The following PCP2 variants were observed in gnomAD, a reference collection of about 807,000 sequenced individuals.
The protein encoded by PCP2 is Purkinje cell protein 2 homolog.
Under a neutral mutation model 18.3 loss-of-function variants are expected in PCP2, and 21 were observed. That is an observed-to-expected ratio of 1.14 (90% confidence interval 0.81 to 1.65). PCP2 has a LOEUF of 1.65. Among genes scored for constraint, PCP2 ranks in the 40% most tolerant of loss-of-function variants. PCP2 has a pLI of 0.00. For synonymous variants in PCP2, 85 were observed against 77.6 expected, an observed-to-expected ratio of 1.10 and a Z score of -0.50; for missense variants, 202 against 201.8, an observed-to-expected ratio of 1.00 and a Z score of 0.00.
rs1220380162 is a variant in PCP2 at position 7,632,682 on chromosome 19, G to A, written c.166+34C>T. ...TGCCCTGCACTCCCACCCCGTTCAC[G>A]CCCCATGGACAGCACCCCCGTGCCC... is the stretch of plus-strand genomic sequence containing the variant. On this transcript the variant is annotated intron_variant, in intron 2 of 3. Transcript: ENST00000311069. This position sits in a 1 kb window ranked among gnomAD's most constrained non-coding sequence, Gnocchi z 5.2. The A allele has an allele frequency of 1.3e-5, 20 of 1,547,856 alleles. No homozygotes were observed. The highest frequency in any genetic ancestry group is 1.7e-4 in the Middle Eastern group (1 of 5,964).
At chr19:7,636,873 C>T (rs1165861445), upstream of PCP2, 3 of 378,076 alleles carry the variant, frequency 7.9e-6, no homozygotes, top group Non-Finnish European at 1.4e-5. Flanking sequence ...GCTTCGCACG[C>T]AAGCCAGGAA....
At position 7,632,522 on chromosome 19, in the gene PCP2, G is replaced by A. The variant is rs370764148; in HGVS notation, c.167-5C>T. 2.7e-5 allele frequency: 43 copies of A among 1,612,596 alleles called. No individual in the cohort carries two copies. Among genetic ancestry groups the A allele is most frequent in the African/African-American group, 2.5e-4 (19 of 74,982 alleles). ...TCTCGGGGGTGGGGTCGCTCTCTGC[G>A]TGGACGTTCACAGACTTGGGAGGAC... On this transcript the variant is annotated splice_polypyrimidine_tract_variant and splice_region_variant and intron_variant, in intron 2 of 3. Coordinates refer to ENST00000311069, the MANE Select transcript of PCP2 (RefSeq NM_174895.3). This position sits in a 1 kb window ranked among gnomAD's most constrained non-coding sequence, Gnocchi z 5.2.
chr19:7,634,153 A>T (rs918512344), upstream of PCP2, among the ~76,000 whole-genome samples: 5 of 151,784 alleles, frequency 3.3e-5, no homozygotes, highest in Non-Finnish European at 7.4e-5. Flanking sequence ...CTCCTCTATC[A>T]CCCTAGCCCC....
rs766578831 is a variant in PCP2 at position 7,631,789 on chromosome 19, G to C, written c.311C>G (p.Ala104Gly). ...CAGGGGTTGGGGACTGAGGGTCCCA[G>C]CTCGTTTCTGTGCTCCGTCCTGTGG... ...VGSKDGAQKR[A>G]GTLSPQPLLT... The change falls in exon 4 of 4, where the codon GCT (alanine) becomes GGT (glycine). Residue 104 changes from alanine (A) to glycine (G), a missense_variant. Coordinates refer to ENST00000311069, the MANE Select transcript of PCP2 (RefSeq NM_174895.3). 3 of 1,423,064 alleles carry C rather than the reference G, an allele frequency of 2.1e-6. No individual in the cohort carries two copies. 88.2% of individuals were successfully genotyped at this position (1,423,064 alleles called of 1,614,324 possible). A position where few individuals can be genotyped will look rare whatever the true frequency, so the allele number is the denominator to read the frequency against.
At chr19:7,634,225 C>A (rs1259930375), upstream of PCP2, among the ~76,000 whole-genome samples, 1 of 152,188 alleles carries the variant, frequency 6.6e-6, no homozygotes, top group Non-Finnish European at 1.5e-5. Context: ...GACGTCCCTG[C>A]CTTTTCCCCC....
chr19:7,633,768 TC>T (rs1240909691), upstream of PCP2: 3 of 395,772 alleles, frequency 7.6e-6, no homozygotes, highest in African/African-American at 4.1e-5. Context: ...CTGAGCAGCA[TC>T]CCCACAGTTG....
chr19:7,632,541 G>T lies in PCP2; in HGVS notation c.167-24C>A. The stretch of plus-strand genomic sequence containing the variant: ...CTCTGCGTGGACGTTCACAGACTTG[G>T]GAGGACACAGCCGGAGTGGGGGCCC... On this transcript the variant is annotated intron_variant, in intron 2 of 3. Transcript: ENST00000311069. The surrounding 1 kb of genome is among the most constrained non-coding windows in gnomAD (Gnocchi z 5.2). 1 of 1,610,776 alleles carries T rather than the reference G, an allele frequency of 6.2e-7. No individual in the cohort carries two copies.
upstream of PCP2, among the ~76,000 whole-genome samples, chr19:7,635,197 C>T (rs1177253729): frequency 6.6e-6 from 1 of 152,174 alleles, no homozygotes. Context: ...CTTCCATCCC[C>T]CCAGGATCTG....
rs1265623936 is a variant in PCP2 at position 7,632,026 on chromosome 19, C to T, written c.292-218G>A. On this transcript the variant is annotated intron_variant, in intron 3 of 3. Transcript: ENST00000311069. The surrounding 1 kb of genome is among the most constrained non-coding windows in gnomAD (Gnocchi z 5.2). Reference sequence around the variant, plus strand: ...GGGATCTTGATCAGAACCCAAGCTTCGTGTATGTGTGAAGTCAACAGATGT... The same window carrying T: ...GGGATCTTGATCAGAACCCAAGCTTTGTGTATGTGTGAAGTCAACAGATGT... 4.7e-5 allele frequency: 23 copies of T among 486,138 alleles called. No individual in the cohort carries two copies. Among genetic ancestry groups the T allele is most frequent in the Admixed American group, 3.8e-5 (1 of 26,326 alleles). The allele number at this position is 486,138 out of a possible 1,614,324, so 30.1% of individuals were successfully genotyped here.
In PCP2 at chr19:7,632,577, C is replaced by G. The variant is rs549223622; in HGVS notation, c.167-60G>C. 85 of 1,601,592 alleles carry G rather than the reference C, an allele frequency of 5.3e-5. No individual in the cohort carries two copies. The African/African-American group carries it at 8.8e-4, about 17-fold the overall frequency. ...CCGGAGTGGGGGCCCCCAACCCTAC[C>G]CCTTCACCCCCACACAGATGCTTCA... is the stretch of plus-strand genomic sequence containing the variant. On this transcript the variant is annotated intron_variant, in intron 2 of 3. Coordinates refer to ENST00000311069, the MANE Select transcript of PCP2 (RefSeq NM_174895.3). This position sits in a 1 kb window ranked among gnomAD's most constrained non-coding sequence, Gnocchi z 5.2.
chr19:7,632,391 A>C lies in PCP2; in HGVS notation c.291+2T>G, dbSNP rs758039422. 28 of 1,613,508 alleles carry C rather than the reference A, an allele frequency of 1.7e-5. No homozygotes were observed. In the African/African-American group the frequency reaches 3.5e-4, roughly 20 times the overall value. ...CCTCGACATCGCCAGAACATCACCTACCTTGGACCCCACGGGCTGGAAGCC... is the reference window on the plus strand; with the variant it reads ...CCTCGACATCGCCAGAACATCACCTCCCTTGGACCCCACGGGCTGGAAGCC... On this transcript the variant is annotated splice_donor_variant, in intron 3 of 3. Coordinates refer to ENST00000311069, the MANE Select transcript of PCP2 (RefSeq NM_174895.3). LOFTEE classifies it high-confidence loss of function. The surrounding 1 kb of genome is among the most constrained non-coding windows in gnomAD (Gnocchi z 5.2).
At chr19:7,633,817 T>C (rs1268400045), upstream of PCP2, 1 of 243,836 alleles carries the variant, frequency 4.1e-6, no homozygotes, top group African/African-American at 2.2e-5. Flanking sequence ...GTAGCTGGCT[T>C]AGGGAGGACT....
At chr19:7,636,994 C>G (rs916592166), upstream of PCP2, 1 of 843,626 alleles carries the variant, frequency 1.2e-6, no homozygotes, top group Non-Finnish European at 1.6e-6. Flanking sequence ...AGGGACTCAA[C>G]TTCCTGGGCC....
Position 7,632,271 on chromosome 19 carries a change from A to C in PCP2, c.291+122T>G. ...CCTGGGCCTTGGTCCTCCCATCTGA[A>C]GTCAGGGCAGCGGATGGACAGAGAT... On this transcript the variant is annotated intron_variant, in intron 3 of 3. Coordinates refer to ENST00000311069, the MANE Select transcript of PCP2 (RefSeq NM_174895.3). The surrounding 1 kb of genome is among the most constrained non-coding windows in gnomAD (Gnocchi z 5.2). 2 of 1,446,534 alleles carry C rather than the reference A, an allele frequency of 1.4e-6. No homozygotes were observed. Among genetic ancestry groups the C allele is most frequent in the South Asian group, 1.3e-5 (1 of 78,168 alleles). The allele number at this position is 1,446,534 out of a possible 1,614,324, so 89.6% of individuals were successfully genotyped here.
In PCP2 at chr19:7,631,815, A is replaced by C. The variant is rs753383630; in HGVS notation, c.292-7T>G. Reference sequence around the variant, plus strand: ...CTCGTTTCTGTGCTCCGTCCTGTGGATGAAGAGGGGTCAGCCAGGGGGAGG... The same window carrying C: ...CTCGTTTCTGTGCTCCGTCCTGTGGCTGAAGAGGGGTCAGCCAGGGGGAGG... On this transcript the variant is annotated splice_region_variant and splice_polypyrimidine_tract_variant and intron_variant, in intron 3 of 3. Transcript: ENST00000311069. The C allele has an allele frequency of 3.6e-6, 5 of 1,390,162 alleles. No homozygotes were observed. In the Admixed American group the frequency reaches 1.4e-4, roughly 39 times the overall value. The allele number at this position is 1,390,162 out of a possible 1,614,324, so 86.1% of individuals were successfully genotyped here. A position where few individuals can be genotyped will look rare whatever the true frequency, so the allele number is the denominator to read the frequency against.
Position 7,632,484 on chromosome 19 carries a change from A to G in PCP2, c.200T>C (p.Met67Thr), listed in dbSNP as rs2031358693. The change falls in exon 3 of 4, where the codon ATG (methionine) becomes ACG (threonine). Residue 67 changes from methionine to threonine, a missense_variant. By Grantham distance (81) the Met-to-Thr change is moderately conservative. Coordinates refer to ENST00000311069, the MANE Select transcript of PCP2 (RefSeq NM_174895.3). This position sits in a 1 kb window ranked among gnomAD's most constrained non-coding sequence, Gnocchi z 5.2. ...GCCCTGGGTACTGGCCAGCATGTCC[A>G]TGAGGCTGTCCATCTCGGGGGTGGG... ...SDPTPEMDSL[M>T]DMLASTQGRR... The G allele has an allele frequency of 6.2e-7, 1 of 1,613,666 alleles. No individual in the cohort carries two copies. Among genetic ancestry groups the G allele is most frequent in the East Asian group, 2.2e-5 (1 of 44,864 alleles).
In PCP2 at chr19:7,633,698, G is replaced by A; in HGVS notation, c.-241C>T. On this transcript the variant is annotated 5_prime_UTR_variant, in exon 1 of 4. Coordinates refer to ENST00000311069, the MANE Select transcript of PCP2 (RefSeq NM_174895.3). ...GCAGGGCGACCTGAGCTTGGACCTC[G>A]CTGTGCCCAGCAGCAATGACTGGAC... 2 of 565,436 alleles carry A rather than the reference G, an allele frequency of 3.5e-6. No homozygotes were observed. The highest frequency in any genetic ancestry group is 6.3e-6 in the Non-Finnish European group (2 of 317,564). The allele number at this position is 565,436 out of a possible 1,614,324, so 35.0% of individuals were successfully genotyped here.
chr19:7,633,064 T>G, intron 1 of PCP2: 4 of 1,347,160 alleles, frequency 3.0e-6, no homozygotes, highest in Non-Finnish European at 3.9e-6. Flanking sequence ...CTTCACGTGG[T>G]ACCGCTTCAA....
chr19:7,632,671 AC>A lies in PCP2; in HGVS notation c.166+44del. ...AGATGACCACTTGCCCTGCACTCCC[AC>A]CCCGTTCACGCCCCATGGACAGCAC... On this transcript the variant is annotated intron_variant, in intron 2 of 3. Coordinates refer to ENST00000311069, the MANE Select transcript of PCP2 (RefSeq NM_174895.3). The surrounding 1 kb of genome is among the most constrained non-coding windows in gnomAD (Gnocchi z 5.2). 1 of 1,540,386 alleles carries A rather than the reference AC, an allele frequency of 6.5e-7. No individual in the cohort carries two copies. The highest frequency in any genetic ancestry group is 8.7e-7 in the Non-Finnish European group (1 of 1,148,796).
Sources: gnomAD v4.1 joint callset for allele counts (sites outside exome capture counted in the v4.1 genomes callset) on GRCh38, gnomAD v4.1.1 for gene constraint, Gnocchi (gnomAD v3.1) non-coding constraint, MANE v1.5 for transcripts, NCBI Gene and HGNC (gene_info 2026-07-23, HGNC 2026-07-21) for gene names.